CD59: variants seen among roughly 807,000 people sequenced by gnomAD.
CD59 encodes CD59 glycoprotein.
In CD59, 3 loss-of-function variants were observed where a neutral mutation model predicts 7.0. That is an observed-to-expected ratio of 0.43 (90% CI 0.19 to 1.10). The LOEUF (loss-of-function observed/expected upper bound fraction) is 1.10, where lower values mean the gene tolerates loss of function less well. CD59 is among the 50% of genes least tolerant of loss of function. The probability of loss-of-function intolerance (pLI) is 0.29; values close to 1 mark genes in which losing one functional copy is unlikely to be tolerated. For synonymous variants in CD59, 60 were observed against 62.0 expected, an observed-to-expected ratio of 0.97 and a Z score of 0.15; for missense variants, 143 against 151.0, an observed-to-expected ratio of 0.95 and a Z score of 0.28.
At chr11:33,727,120 T>C (rs1337993692) in intron 1 of CD59, among the ~76,000 whole-genome samples, 1 of 152,164 alleles carries the variant, frequency 6.6e-6, no homozygotes, top group Non-Finnish European at 1.5e-5. Flanking sequence ...TACCATTCCT[T>C]CTGAAACTAT....
intron 3 of CD59, among the ~76,000 whole-genome samples, chr11:33,716,987 C>A (rs1215190182): frequency 6.6e-6 from 1 of 152,128 alleles, no homozygotes. Flanking sequence ...TCTTTGCATC[C>A]CTAGCTCCTA....
chr11:33,719,864 C>A (rs963660184), intron 2 of CD59, among the ~76,000 whole-genome samples: 4 of 152,200 alleles, frequency 2.6e-5, no homozygotes, highest in Admixed American at 6.5e-5. Context: ...AAGGAGAAGG[C>A]GCAAAGATGC....
At chr11:33,730,635 A>G (rs1400629671) in intron 1 of CD59, among the ~76,000 whole-genome samples, 2 of 152,198 alleles carry the variant, frequency 1.3e-5, no homozygotes, top group Non-Finnish European at 1.5e-5. Context: ...GATTAGTATC[A>G]TGTGATGCTA....
chr11:33,727,099 AG>A (rs1854281421), intron 1 of CD59, among the ~76,000 whole-genome samples: 2 of 152,210 alleles, frequency 1.3e-5, no homozygotes, highest in Non-Finnish European at 2.9e-5. Flanking sequence ...AGAGGTACAA[AG>A]AGGAGCTGGT....
chr11:33,703,198 T>C lies in CD59; in HGVS notation c.*6928A>G, dbSNP rs191183213. 13 of 152,248 alleles carry C rather than the reference T, an allele frequency of 8.5e-5. No homozygotes were observed. Among genetic ancestry groups the C allele is most frequent in the Admixed American group, 2.0e-4 (3 of 15,292 alleles). The allele number at this position is 152,248 out of a possible 1,614,324, so 9.4% of individuals were successfully genotyped here. On this transcript the variant is annotated 3_prime_UTR_variant, in exon 4 of 4. Coordinates refer to ENST00000642928, the MANE Select transcript of CD59 (RefSeq NM_000611.6). ...ATGAAGTTATAGCCAGGGGGTTAAA[T>C]AAGAAGTTGATGACAAACTTGGTTT... is the stretch of plus-strand genomic sequence containing the variant.
rs796775234 is a variant in CD59 at position 33,732,811 on chromosome 11, C to T, written c.-19+3571G>A. 1.4e-4 allele frequency among the ~76,000 whole-genome samples: 21 copies of T among 152,252 alleles called. 1 individual carries two copies. The highest frequency in any genetic ancestry group is 5.1e-4 in the African/African-American group (21 of 41,534). On this transcript the variant is annotated intron_variant, in intron 1 of 3. Coordinates refer to ENST00000642928, the MANE Select transcript of CD59 (RefSeq NM_000611.6). ...AATGCCTCTCTTCCCCAAAAATGTC[C>T]GTATCCTAACTCCAGGAACCTGTGA...
intron 1 of CD59, among the ~76,000 whole-genome samples, chr11:33,727,025 ATAAT>A (rs1045254781): frequency 2.6e-5 from 4 of 152,242 alleles, no homozygotes; most frequent in Non-Finnish European, 5.9e-5. Context: ...AATTAAGGCA[ATAAT>A]TAATAGCCTA....
chr11:33,710,234 C>T lies in CD59; in HGVS notation c.279G>A (p.Leu93=), dbSNP rs1853481111. 6.2e-7 allele frequency: 1 copy of T among 1,614,170 alleles called. No individual in the cohort carries two copies. The highest frequency in any genetic ancestry group is 1.1e-5 in the South Asian group (1 of 91,090). The change falls in exon 4 of 4, where the codon CTG becomes CTA. Residue 93 remains leucine, a synonymous_variant. Transcript: ENST00000642928. The stretch of plus-strand genomic sequence containing the variant: ...TTTCAAGCTGTTCGTTAAAGTTACA[C>T]AGGTCCTTCTTGCAGCAGTAGTACG... The part of the protein sequence containing the change: ...ELTYYCCKKD[L]CNFNEQLENG...
chr11:33,727,975 A>T (rs1854306754), intron 1 of CD59, among the ~76,000 whole-genome samples: 1 of 152,214 alleles, frequency 6.6e-6, no homozygotes, highest in South Asian at 2.1e-4. Context: ...GATGTGAAGG[A>T]CCTCTTCAGG....
At chr11:33,722,160 C>T (rs796345639) in intron 2 of CD59, among the ~76,000 whole-genome samples, 34 of 152,272 alleles carry the variant, frequency 2.2e-4, no homozygotes, top group African/African-American at 7.7e-4. Context: ...CCAAAAGCCA[C>T]GCTGTAACTC....
intron 1 of CD59, among the ~76,000 whole-genome samples, chr11:33,735,913 C>CCA (rs1854556813): frequency 7.2e-6 from 1 of 139,766 alleles, no homozygotes; most frequent in Non-Finnish European, 1.6e-5. Context: ...AACTCCATCT[C>CCA]AAAAAAAAAA....
In CD59 at chr11:33,707,541, A is replaced by AC. The variant is rs1207030217; in HGVS notation, c.*2584dup. ...AAGGGGACAATCCAATGGGCTTATCACCACCCAATACTGAACACTATGACA... is the reference window on the plus strand; with the variant it reads ...AAGGGGACAATCCAATGGGCTTATCACCCACCCAATACTGAACACTATGACA... On this transcript the variant is annotated 3_prime_UTR_variant, in exon 4 of 4. Transcript: ENST00000642928. 6.6e-5 allele frequency: 10 copies of AC among 152,350 alleles called. No homozygotes were observed. Among genetic ancestry groups the AC allele is most frequent in the Admixed American group, 4.6e-4 (7 of 15,300 alleles). 9.4% of individuals were successfully genotyped at this position (152,350 alleles called of 1,614,324 possible).
intron 2 of CD59, among the ~76,000 whole-genome samples, chr11:33,721,668 G>T (rs1468532081): frequency 6.6e-6 from 1 of 152,176 alleles, no homozygotes; most frequent in Admixed American, 6.5e-5. Flanking sequence ...ACCAGGGGAG[G>T]GGTGGCTGAG....
rs2133558479 is a variant in CD59 at position 33,722,391 on chromosome 11, A to G, written c.55T>C (p.Phe19Leu). ...CTGGAGCACTCACCTGAATGGCAGA[A>G]GACAGCCAGGACGAGCAGCAGCCCG... ...LFGLLLVLAV[F>L]CHSGHSLQCY... Residue 19 changes from phenylalanine to leucine, a missense_variant, in exon 2 of 4, where the codon TTC (phenylalanine) becomes CTC (leucine). By Grantham distance (22) the Phe-to-Leu change is conservative (BLOSUM62 0). Coordinates refer to ENST00000642928, the MANE Select transcript of CD59 (RefSeq NM_000611.6). 1 of 1,612,236 alleles carries G rather than the reference A, an allele frequency of 6.2e-7. No individual in the cohort carries two copies. Among genetic ancestry groups the G allele is most frequent in the African/African-American group, 1.3e-5 (1 of 75,036 alleles).
chr11:33,715,999 C>T (rs1213319907), intron 3 of CD59, among the ~76,000 whole-genome samples: 1 of 152,164 alleles, frequency 6.6e-6, no homozygotes, highest in Non-Finnish European at 1.5e-5. Flanking sequence ...CACAGTTGAT[C>T]AAGCTAAAGA....
At chr11:33,734,190 C>T (rs1854498756) in intron 1 of CD59, among the ~76,000 whole-genome samples, 1 of 152,240 alleles carries the variant, frequency 6.6e-6, no homozygotes, top group South Asian at 2.1e-4. Context: ...ACATCCATCA[C>T]TCAGTTCACG....
At chr11:33,714,892 G>A (rs1208951424) in intron 3 of CD59, among the ~76,000 whole-genome samples, 2 of 150,784 alleles carry the variant, frequency 1.3e-5, no homozygotes, top group Non-Finnish European at 2.9e-5. Context: ...GGAGAGCAAT[G>A]CCTTCTTCTG....
At chr11:33,715,700 G>T (rs1853759431) in intron 3 of CD59, among the ~76,000 whole-genome samples, 1 of 152,110 alleles carries the variant, frequency 6.6e-6, no homozygotes, top group Admixed American at 6.6e-5. Flanking sequence ...ATTTTAATAG[G>T]TGTGTCTCAT....
intron 3 of CD59, among the ~76,000 whole-genome samples, chr11:33,712,529 G>A (rs1386212676): frequency 2.0e-5 from 3 of 152,168 alleles, no homozygotes; most frequent in South Asian, 4.1e-4. Context: ...AAAGCTAGTC[G>A]CAAAGTGCCA....
Sources: gnomAD v4.1 joint callset for allele counts (sites outside exome capture counted in the v4.1 genomes callset) on GRCh38, gnomAD v4.1.1 for gene constraint, MANE v1.5 for transcripts, NCBI Gene and HGNC (gene_info 2026-07-23, HGNC 2026-07-21) for gene names.